Variants in SIRPB2 observed in about 807,000 individuals in gnomAD.
SIRPB2 encodes the protein signal-regulatory protein beta-2.
In SIRPB2, 18 loss-of-function variants were observed where a neutral mutation model predicts 27.1. The observed-to-expected ratio is 0.66, with a 90% CI of 0.46 to 0.98. The LOEUF (loss-of-function observed/expected upper bound fraction) is 0.98, where lower values mean the gene tolerates loss of function less well. SIRPB2 is among the 50% of genes least tolerant of loss of function. The probability of loss-of-function intolerance (pLI) is 0.00; values close to 1 mark genes in which losing one functional copy is unlikely to be tolerated. For missense variants in SIRPB2, 420 were observed against 417.4 expected (o/e 1.01, Z -0.06); for synonymous variants, 150 against 164.6 (o/e 0.91, Z 0.68).
At position 1,476,100 on chromosome 20, in the gene SIRPB2, T is replaced by A; in HGVS notation, c.*67A>T. The A allele has an allele frequency of 6.4e-7, 1 of 1,562,142 alleles. No homozygotes were observed. Among genetic ancestry groups the A allele is most frequent in the Non-Finnish European group, 8.7e-7 (1 of 1,153,400 alleles). Reference sequence around the variant, plus strand: ...GGCACCTAGAGGCTGGGACTGGAGGTAGGGAAATGGTTGAGGAGCCCTGGC... The same window carrying A: ...GGCACCTAGAGGCTGGGACTGGAGGAAGGGAAATGGTTGAGGAGCCCTGGC... On this transcript the variant is annotated 3_prime_UTR_variant, in exon 5 of 5. Transcript: ENST00000359801.
rs1446948287 is a variant in SIRPB2, at chr20:1,474,769, T to C, written c.*1398A>G. On this transcript the variant is annotated 3_prime_UTR_variant, in exon 5 of 5. Transcript: ENST00000359801. ...TTGTATTTTTAGTAGAGACGAGGTT[T>C]CACCATGTTAGCCAGGCTGGTCTCA... 3 of 152,260 alleles carry C rather than the reference T, an allele frequency of 2.0e-5. No homozygotes were observed. Among genetic ancestry groups the C allele is most frequent in the Non-Finnish European group, 4.4e-5 (3 of 68,090 alleles). 9.4% of individuals were successfully genotyped at this position (152,260 alleles called of 1,614,324 possible).
At chr20:1,472,167 G>C (rs1277069014), downstream of SIRPB2, among the ~76,000 whole-genome samples, 1 of 152,134 alleles carries the variant, frequency 6.6e-6, no homozygotes, top group Non-Finnish European at 1.5e-5. Flanking sequence ...TGTCTTTGGT[G>C]GGTCATCTCA....
intron 1 of SIRPB2, among the ~76,000 whole-genome samples, chr20:1,489,180 G>T (rs765535733): frequency 3.8e-4 from 58 of 152,310 alleles, no homozygotes; most frequent in Non-Finnish European, 7.2e-4. Flanking sequence ...CAGATCCGTG[G>T]TTGTTTTGGA....
At chr20:1,485,037 A>G (rs2090711775) in intron 1 of SIRPB2, among the ~76,000 whole-genome samples, 1 of 152,206 alleles carries the variant, frequency 6.6e-6, no homozygotes, top group African/African-American at 2.4e-5. Context: ...AGCTAAAAAA[A>G]TTGATCTCAT....
At chr20:1,476,652 A>T in intron 4 of SIRPB2, 1 of 897,038 alleles carries the variant, frequency 1.1e-6, no homozygotes, top group African/African-American at 1.8e-5. Context: ...AGATAAGGAG[A>T]CAGACCCAGA....
chr20:1,491,142 C>A (rs748809503), intron 1 of SIRPB2, 133 bp downstream of exon 1: 3 of 768,532 alleles, frequency 3.9e-6, no homozygotes, highest in Middle Eastern at 5.1e-4. Flanking sequence ...CGGAGTCAGG[C>A]AAATTTTCAG....
chr20:1,477,915 C>T (rs183857518), intron 3 of SIRPB2: 2 of 461,578 alleles, frequency 4.3e-6, no homozygotes, highest in Non-Finnish European at 8.7e-6. Context: ...CTCAGGTGAT[C>T]CACCTGCCTT....
chr20:1,477,088 A>G, intron 4 of SIRPB2: 3 of 1,463,680 alleles, frequency 2.0e-6, no homozygotes, highest in Non-Finnish European at 2.7e-6. Flanking sequence ...CAGGGAGCTC[A>G]CCACCTCTCA....
At position 1,485,646 on chromosome 20, in the gene SIRPB2, A is replaced by AC. The variant is rs1176114163; in HGVS notation, c.86-5582dup. Among the ~76,000 whole-genome samples, 739 of 138,192 alleles carry AC rather than the reference A, an allele frequency of 5.3e-3. 3 individuals carry two copies. The highest frequency in any genetic ancestry group is 0.021 in the African/African-American group (712 of 33,466). The allele number at this position is 138,192 out of a possible 152,430, so 90.7% of individuals were successfully genotyped here. A position where few individuals can be genotyped will look rare whatever the true frequency, so the allele number is the denominator to read the frequency against. Reference sequence around the variant, plus strand: ...AATACAGTAGAACACACACACACACACACACACCACACACACACACACACA... The same window carrying AC: ...AATACAGTAGAACACACACACACACACCACACACCACACACACACACACACA... On this transcript the variant is annotated intron_variant, in intron 1 of 4. Transcript: ENST00000359801.
chr20:1,478,236 TC>T, intron 3 of SIRPB2, 29 bp downstream of exon 3: 1 of 1,598,502 alleles, frequency 6.3e-7, no homozygotes, highest in Non-Finnish European at 8.6e-7. Context: ...TGCTCCGCTC[TC>T]CCGACAAGTC....
Position 1,478,543 on chromosome 20 carries a change from A to C in SIRPB2, c.516T>G (p.Thr172=). ...IQPQELVLGT[T]GDTVFLNCTV... ...TGCAGTTCAGAAAGACAGTGTCTCC[A>C]GTGGTCCCCAACACCAATTCCTGGG... The change falls in exon 3 of 5, where the codon ACT becomes ACG. Residue 172 remains threonine (T), a synonymous_variant. Coordinates refer to ENST00000359801, the MANE Select transcript of SIRPB2 (RefSeq NM_001122962.2). 6.2e-7 allele frequency: 1 copy of C among 1,612,334 alleles called. No homozygotes were observed.
intron 3 of SIRPB2, 82 bp from the exon 4 acceptor site, chr20:1,477,485 G>C: frequency 6.5e-7 from 1 of 1,536,440 alleles, no homozygotes; most frequent in East Asian, 2.3e-5. Context: ...TGGGATCTCT[G>C]GGATGAGTCT....
At chr20:1,479,537 G>A (rs1461285362) in intron 2 of SIRPB2, 163 bp downstream of exon 2, 1 of 1,135,714 alleles carries the variant, frequency 8.8e-7, no homozygotes, top group Non-Finnish European at 1.3e-6. Context: ...GACATGAGGA[G>A]TGGAACCACC....
intron 1 of SIRPB2, among the ~76,000 whole-genome samples, chr20:1,486,365 G>A (rs749823055): frequency 2.6e-5 from 4 of 151,992 alleles, no homozygotes; most frequent in Non-Finnish European, 5.9e-5. Flanking sequence ...GAGTCACCAT[G>A]CCCAGCCAAA....
chr20:1,476,001 G>C lies in SIRPB2; in HGVS notation c.*166C>G. ...GGGAGACATTTTAGAGGGAAGCCCG[G>C]TGCAAAGAAGGGAATTTCACTAGGT... On this transcript the variant is annotated 3_prime_UTR_variant, in exon 5 of 5. Coordinates refer to ENST00000359801, the MANE Select transcript of SIRPB2 (RefSeq NM_001122962.2). 1 of 704,632 alleles carries C rather than the reference G, an allele frequency of 1.4e-6. No individual in the cohort carries two copies. The highest frequency in any genetic ancestry group is 2.3e-6 in the Non-Finnish European group (1 of 433,698). 43.6% of individuals were successfully genotyped at this position (704,632 alleles called of 1,614,324 possible). A position where few individuals can be genotyped will look rare whatever the true frequency, so the allele number is the denominator to read the frequency against.
Position 1,479,705 on chromosome 20 carries a change from A to G in SIRPB2, c.446T>C (p.Val149Ala), listed in dbSNP as rs2090647094. 1 of 1,613,900 alleles carries G rather than the reference A, an allele frequency of 6.2e-7. No individual in the cohort carries two copies. Among genetic ancestry groups the G allele is most frequent in the East Asian group, 2.2e-5 (1 of 44,886 alleles). Residue 149 changes from valine (V) to alanine (A), a missense_variant, in exon 2 of 5, where the codon GTG (valine) becomes GCG (alanine). By Grantham distance (64) the Val-to-Ala change is moderately conservative. Transcript: ENST00000359801. ...MKSDEGTSVLVKGAGDPEPDL... is the reference protein window; with the variant it reads ...MKSDEGTSVLAKGAGDPEPDL... Reference sequence around the variant, plus strand: ...CTGCAGGGCCTGATCCTTACCCTTCACAAGCACTGAGGTGCCTTCATCCGA... The same window carrying G: ...CTGCAGGGCCTGATCCTTACCCTTCGCAAGCACTGAGGTGCCTTCATCCGA...
chr20:1,472,414 A>G (rs540368074), downstream of SIRPB2, among the ~76,000 whole-genome samples: 211 of 152,160 alleles, frequency 1.4e-3, no homozygotes, highest in African/African-American at 4.9e-3. Flanking sequence ...TTTCTATAGG[A>G]TTTTACAACT....
At chr20:1,471,815 A>C (rs1423455116), downstream of SIRPB2, among the ~76,000 whole-genome samples, 1 of 152,144 alleles carries the variant, frequency 6.6e-6, no homozygotes, top group East Asian at 1.9e-4. Context: ...CTCTAGGTCT[A>C]ACCTGCAGGG....
In SIRPB2 at chr20:1,491,319, A is replaced by T; in HGVS notation, c.41T>A (p.Leu14Ter). The part of the protein sequence containing the change: ...TMSAPTCLAH[L>*]PPCFLLLALV... ...TGCCAGCAGCAGGAAGCAGGGAGGC[A>T]AGTGGGCCAGGCAGGTGGGGGCCGA... Residue 14 changes from leucine (L) to a stop codon, truncating the protein, a stop_gained, in exon 1 of 5, where the codon TTG becomes TAG. Transcript: ENST00000359801. LOFTEE classifies it high-confidence loss of function. The T allele has an allele frequency of 1.2e-6, 2 of 1,611,526 alleles. No individual in the cohort carries two copies. The highest frequency in any genetic ancestry group is 1.1e-5 in the South Asian group (1 of 90,456).
Sources: allele counts gnomAD v4.1 joint callset (sites outside exome capture counted in the v4.1 genomes callset), GRCh38; gene constraint gnomAD v4.1.1; transcripts MANE v1.5; gene names NCBI Gene and HGNC (gene_info 2026-07-23, HGNC 2026-07-21).